Variants in CMTR1 observed in about 807,000 individuals in gnomAD.
CMTR1 encodes the protein cap-specific mRNA (nucleoside-2'-O-)-methyltransferase 1.
In CMTR1, 39 loss-of-function variants were observed where a neutral mutation model predicts 107.0. The ratio of observed to expected loss-of-function variants is 0.36; its 90% CI spans 0.28 to 0.48. CMTR1 has a LOEUF of 0.48. CMTR1 is among the 20% of genes least tolerant of loss of function. CMTR1 has a pLI of 0.99. For synonymous variants in CMTR1, 366 were observed against 379.5 expected (o/e 0.96, Z 0.41); for missense variants, 672 against 1,064.9 (o/e 0.63, Z 5.14).
chr6:37,473,242 C>G (rs1157577554), intron 16 of CMTR1, among the ~76,000 whole-genome samples: 2 of 152,088 alleles, frequency 1.3e-5, no homozygotes, highest in African/African-American at 4.8e-5. Context: ...ACTCAGTGTT[C>G]TTTCCTTTTC....
intron 4 of CMTR1, among the ~76,000 whole-genome samples, chr6:37,449,657 T>C (rs956333524): frequency 6.6e-6 from 1 of 152,230 alleles, no homozygotes; most frequent in Admixed American, 6.5e-5. Context: ...TGCACCGTTT[T>C]GGCCTGATAG....
intron 2 of CMTR1, among the ~76,000 whole-genome samples, chr6:37,443,415 C>T (rs1771716961): frequency 1.3e-5 from 2 of 151,134 alleles, no homozygotes; most frequent in South Asian, 2.1e-4. Context: ...CATGCAGTGG[C>T]GCAATTTCGG....
chr6:37,429,196 A>T (rs906257682), upstream of CMTR1, among the ~76,000 whole-genome samples: 5 of 151,942 alleles, frequency 3.3e-5, no homozygotes, highest in African/African-American at 1.2e-4. Context: ...TATTGAACCT[A>T]TCTAGTGAAA....
chr6:37,471,068 T>C lies in CMTR1; in HGVS notation c.1553T>C (p.Val518Ala), dbSNP rs374920562. 1 of 1,606,302 alleles carries C rather than the reference T, an allele frequency of 6.2e-7. No homozygotes were observed. Among genetic ancestry groups the C allele is most frequent in the Non-Finnish European group, 8.5e-7 (1 of 1,176,346 alleles). Residue 518 changes from valine (V) to alanine (A), a missense_variant, in exon 14 of 24, where the codon GTT becomes GCT. This residue lies in a region of CMTR1 where 583 missense variants were observed against 968.4 expected (regional missense o/e 0.60). Coordinates refer to ENST00000373451, the MANE Select transcript of CMTR1 (RefSeq NM_015050.3). ...GCTCTGGCGAAAATCCATGCCTTTG[T>C]TCAAGACACGTGAGTGTTGCCCACT... is the stretch of plus-strand genomic sequence containing the variant. ...IKALAKIHAF[V>A]QDTTLSEPRQ...
At chr6:37,457,569 T>G (rs1761322021) in intron 8 of CMTR1, among the ~76,000 whole-genome samples, 1 of 152,196 alleles carries the variant, frequency 6.6e-6, no homozygotes, top group South Asian at 2.1e-4. Context: ...TAGTTAATAG[T>G]AAGGTACAAA....
chr6:37,468,565 C>CT (rs1320249747), intron 13 of CMTR1, among the ~76,000 whole-genome samples: 3 of 152,204 alleles, frequency 2.0e-5, no homozygotes, highest in Admixed American at 1.3e-4. Context: ...CTGCTGGAGA[C>CT]TAATTCCCTG....
chr6:37,467,364 T>G (rs1761530236), intron 13 of CMTR1, among the ~76,000 whole-genome samples: 1 of 152,246 alleles, frequency 6.6e-6, no homozygotes, highest in African/African-American at 2.4e-5. Flanking sequence ...TCTCAGAGAA[T>G]GTATTCTGTA....
At position 37,462,075 on chromosome 6, in the gene CMTR1, T is replaced by C; in HGVS notation, c.1298T>C (p.Ile433Thr). Reference protein sequence around the residue: ...CFERVCLFKPITSRPANSERY... With the variant: ...CFERVCLFKPTTSRPANSERY... ...GAACGAGTTTGTCTCTTCAAGCCTA[T>C]TACCAGCCGTCCTGCCAACTCAGAG... The change falls in exon 12 of 24, where the codon ATT becomes ACT. Residue 433 changes from isoleucine to threonine, a missense_variant. Physicochemically the swap from Ile to Thr is moderately conservative, Grantham distance 89. Around this residue, in one of 2 missense-constraint regions of CMTR1, gnomAD observed 583 missense variants for 968.4 expected, o/e 0.60. Transcript: ENST00000373451. 2 of 1,614,100 alleles carry C rather than the reference T, an allele frequency of 1.2e-6. No individual in the cohort carries two copies. Among genetic ancestry groups the C allele is most frequent in the Non-Finnish European group, 1.7e-6 (2 of 1,180,032 alleles).
At chr6:37,451,547 A>G (rs1002272091) in intron 5 of CMTR1, among the ~76,000 whole-genome samples, 3 of 152,158 alleles carry the variant, frequency 2.0e-5, no homozygotes, top group African/African-American at 7.2e-5. Flanking sequence ...CAGCCTCAGC[A>G]TTCATGAGTC....
intron 5 of CMTR1, among the ~76,000 whole-genome samples, chr6:37,450,981 A>G (rs963141264): frequency 6.6e-6 from 1 of 152,206 alleles, no homozygotes; most frequent in Non-Finnish European, 1.5e-5. Context: ...CAAAGAGGAA[A>G]ATCTGGCCTT....
At chr6:37,459,418 C>A in intron 9 of CMTR1, 148 bp from the exon 10 acceptor site, 1 of 677,048 alleles carries the variant, frequency 1.5e-6, no homozygotes. Flanking sequence ...GTTGTTCCTC[C>A]TGGTCCATCA....
At chr6:37,461,771 A>AT (rs1298790766) in intron 11 of CMTR1, 126 bp downstream of exon 11, 4 of 829,910 alleles carry the variant, frequency 4.8e-6, no homozygotes, top group Non-Finnish European at 5.7e-6. Context: ...AGGTAGCTAA[A>AT]TGAGTAATTT....
In CMTR1 at chr6:37,458,042, A is replaced by G. The variant is rs533630035; in HGVS notation, c.778-570A>G. ...TCTGAGAGATAAAAAATGTAGTCAG[A>G]TACCCATAAATGTTTTTTGTTGTTT... On this transcript the variant is annotated intron_variant, in intron 8 of 23. Coordinates refer to ENST00000373451, the MANE Select transcript of CMTR1 (RefSeq NM_015050.3). This position sits in a 1 kb window ranked among gnomAD's most constrained non-coding sequence, Gnocchi z 4.7. 1.3e-5 allele frequency among the ~76,000 whole-genome samples: 2 copies of G among 152,148 alleles called. No individual in the cohort carries two copies. Among genetic ancestry groups the G allele is most frequent in the East Asian group, 1.9e-4 (1 of 5,170 alleles).
chr6:37,475,990 T>G, intron 19 of CMTR1, 136 bp from the exon 20 acceptor site: 1 of 792,024 alleles, frequency 1.3e-6, no homozygotes, highest in Non-Finnish European at 2.2e-6. Context: ...CTGGGGGACA[T>G]GGGTGCTGCC....
At chr6:37,460,701 T>C (rs900101146) in intron 10 of CMTR1, among the ~76,000 whole-genome samples, 3 of 152,166 alleles carry the variant, frequency 2.0e-5, no homozygotes, top group African/African-American at 7.2e-5. Flanking sequence ...TCCTTTTTTC[T>C]TTATTTTATT....
upstream of CMTR1, among the ~76,000 whole-genome samples, chr6:37,432,501 A>C (rs1384495327): frequency 2.0e-5 from 3 of 152,144 alleles, no homozygotes; most frequent in East Asian, 5.8e-4. Context: ...GGGTGAATGG[A>C]TGGATTTGAA....
chr6:37,464,161 AT>A (rs1325576441), intron 13 of CMTR1, among the ~76,000 whole-genome samples: 1 of 152,170 alleles, frequency 6.6e-6, no homozygotes, highest in Admixed American at 6.6e-5. Flanking sequence ...TGTAGCCTAC[AT>A]CCCTATTAAG....
At chr6:37,440,368 A>G (rs1434348139) in intron 2 of CMTR1, among the ~76,000 whole-genome samples, 2 of 152,218 alleles carry the variant, frequency 1.3e-5, no homozygotes, top group Non-Finnish European at 2.9e-5. Flanking sequence ...TTCATATGAA[A>G]AGAGTAGCCT....
Position 37,480,530 on chromosome 6 carries a change from C to T in CMTR1, c.*385C>T. The T allele has an allele frequency of 1.9e-6, 2 of 1,071,366 alleles. No homozygotes were observed. The highest frequency in any genetic ancestry group is 3.0e-5 in the South Asian group (1 of 33,612). 66.4% of individuals were successfully genotyped at this position (1,071,366 alleles called of 1,614,324 possible). On this transcript the variant is annotated 3_prime_UTR_variant, in exon 24 of 24. Transcript: ENST00000373451. ...TCACTTTTCTGAGTTCCATGCACTG[C>T]CCTGAGGGTAGCCATGCCCTTGCTT...
Sources: gnomAD v4.1 joint callset for allele counts (sites outside exome capture counted in the v4.1 genomes callset) on GRCh38, gnomAD v4.1.1 for gene constraint, gnomAD v4.1.1 regional missense constraint, Gnocchi (gnomAD v3.1) non-coding constraint, MANE v1.5 for transcripts, NCBI Gene and HGNC (gene_info 2026-07-23, HGNC 2026-07-21) for gene names.